The following RAB27B variants were observed in gnomAD, a reference collection of about 807,000 sequenced individuals.
RAB27B encodes ras-related protein Rab-27B.
RAB27B carries 15 observed loss-of-function variants against 24.6 expected under a neutral mutation model. The ratio of observed to expected loss-of-function variants is 0.61; its 90% CI spans 0.41 to 0.94. The LOEUF (loss-of-function observed/expected upper bound fraction) is 0.94. Among genes scored for constraint, RAB27B ranks in the 40% least tolerant of loss-of-function variants. The pLI, the probability that RAB27B is intolerant of heterozygous loss-of-function variation, is 0.00. For synonymous variants in RAB27B, 105 were observed against 92.5 expected (o/e 1.14, Z -0.78); for missense variants, 261 against 266.8 (o/e 0.98, Z 0.15).
At chr18:54,818,470 T>G (rs1202460991) in intron 2 of RAB27B, among the ~76,000 whole-genome samples, 1 of 152,148 alleles carries the variant, frequency 6.6e-6, no homozygotes, top group Non-Finnish European at 1.5e-5. Context: ...GTTCCATATT[T>G]TTTTTTTGGT....
rs9951468 is a variant in RAB27B at position 54,811,142 on chromosome 18, G to A, written c.-19-66425G>A. On this transcript the variant is annotated intron_variant, in intron 2 of 4. Coordinates refer to the RAB27B transcript ENST00000586570. Reference sequence around the variant, plus strand: ...GCTTTATCACCTGAGTCACTCTTGAGAAATAAGTTTCCTAAAGTTTTAGAG... The same window carrying A: ...GCTTTATCACCTGAGTCACTCTTGAAAAATAAGTTTCCTAAAGTTTTAGAG... Among the ~76,000 whole-genome samples, 1,324 of 152,054 alleles carry A rather than the reference G, an allele frequency of 8.7e-3. 10 individuals carry two copies. The highest frequency in any genetic ancestry group is 0.031 in the African/African-American group (1,282 of 41,472).
At chr18:54,813,588 C>T (rs940479443) in intron 2 of RAB27B, among the ~76,000 whole-genome samples, 1 of 152,204 alleles carries the variant, frequency 6.6e-6, no homozygotes, top group Non-Finnish European at 1.5e-5. Context: ...GCTCTGCCTT[C>T]TGCCATGATT....
intron 1 of RAB27B, among the ~76,000 whole-genome samples, chr18:54,828,944 A>G (rs368288146): frequency 1.0e-3 from 157 of 152,352 alleles, no homozygotes; most frequent in African/African-American, 3.4e-3. Context: ...CTTATCAAAC[A>G]GCTGGTTACC....
chr18:54,872,639 AAG>A (rs1312116616), intron 1 of RAB27B, among the ~76,000 whole-genome samples: 1 of 150,684 alleles, frequency 6.6e-6, no homozygotes, highest in Non-Finnish European at 1.5e-5. Flanking sequence ...AAAAAAAAAA[AAG>A]AAAAAAGAAA....
intron 2 of RAB27B, among the ~76,000 whole-genome samples, chr18:54,760,272 G>A (rs1194837566): frequency 1.3e-5 from 2 of 152,164 alleles, no homozygotes; most frequent in East Asian, 3.9e-4. Flanking sequence ...AGCAAGTCCT[G>A]TGAAAGGGTC....
At chr18:54,787,965 C>T (rs1031883064) in intron 2 of RAB27B, among the ~76,000 whole-genome samples, 4 of 152,162 alleles carry the variant, frequency 2.6e-5, no homozygotes, top group Admixed American at 6.5e-5. Flanking sequence ...CTACATGGTC[C>T]CTGGTTGTCA....
At chr18:54,799,116 C>T (rs1909516274) in intron 2 of RAB27B, among the ~76,000 whole-genome samples, 1 of 152,076 alleles carries the variant, frequency 6.6e-6, no homozygotes, top group Admixed American at 6.5e-5. Flanking sequence ...AAAAATTAAA[C>T]TTTGTGTAAT....
chr18:54,849,455 T>C (rs1400352945), intron 1 of RAB27B, among the ~76,000 whole-genome samples: 1 of 152,212 alleles, frequency 6.6e-6, no homozygotes, highest in Non-Finnish European at 1.5e-5. Context: ...CGGTGGCTCA[T>C]GCCTGTAATC....
chr18:54,757,194 TAAC>T (rs1908031887), intron 2 of RAB27B, among the ~76,000 whole-genome samples: 1 of 152,054 alleles, frequency 6.6e-6, no homozygotes, highest in African/African-American at 2.4e-5. Context: ...AGTGTACAGG[TAAC>T]AACCATTTAA....
At chr18:54,756,194 T>A (rs1325656584) in intron 2 of RAB27B, among the ~76,000 whole-genome samples, 1 of 152,150 alleles carries the variant, frequency 6.6e-6, no homozygotes, top group Non-Finnish European at 1.5e-5. Context: ...TGTACAAAAA[T>A]CAACAGGAAA....
intron 3 of RAB27B, among the ~76,000 whole-genome samples, chr18:54,883,263 AAC>A (rs1346380766): frequency 3.9e-5 from 6 of 152,122 alleles, no homozygotes; most frequent in African/African-American, 9.7e-5. Context: ...TGGGCTTCTC[AAC>A]ACACAGGCTA....
rs374063750 is a variant in RAB27B, at chr18:54,889,401, A to C, written c.645A>C (p.Lys215Asn). 25 of 1,612,340 alleles carry C rather than the reference A, an allele frequency of 1.6e-5. No homozygotes were observed. Among genetic ancestry groups the C allele is most frequent in the Non-Finnish European group, 2.1e-5 (25 of 1,179,042 alleles). The stretch of plus-strand genomic sequence containing the variant: ...ATGGGGAAAAGCCACCAGAGAAGAA[A>C]TGTATCTGCTAGACTCTACATAGAA... The part of the protein sequence containing the change: ...NLDGEKPPEK[K>N]CIC Residue 215 changes from lysine (K) to asparagine (N), a missense_variant, in exon 6 of 6, where the codon AAA becomes AAC. Lys to Asn is a moderately conservative substitution (Grantham distance 94, BLOSUM62 0). Transcript: ENST00000262094.
At chr18:54,842,267 T>C (rs1212434261) in intron 1 of RAB27B, among the ~76,000 whole-genome samples, 2 of 152,024 alleles carry the variant, frequency 1.3e-5, no homozygotes, top group East Asian at 3.9e-4. Flanking sequence ...TTCTTGCTTA[T>C]TCTAGCACAA....
chr18:54,723,351 TG>T (rs528870366), intron 2 of RAB27B, among the ~76,000 whole-genome samples: 15 of 152,226 alleles, frequency 9.9e-5, no homozygotes, highest in Non-Finnish European at 2.2e-4. Flanking sequence ...GTATTGGGAT[TG>T]GGTTTTATGA....
At chr18:54,789,576 C>T (rs1211700957) in intron 2 of RAB27B, among the ~76,000 whole-genome samples, 1 of 152,010 alleles carries the variant, frequency 6.6e-6, no homozygotes, top group African/African-American at 2.4e-5. Flanking sequence ...CTTACCTCTA[C>T]ATTCTTTTTT....
At chr18:54,851,708 A>G (rs1298844019) in intron 1 of RAB27B, among the ~76,000 whole-genome samples, 1 of 151,882 alleles carries the variant, frequency 6.6e-6, no homozygotes, top group Non-Finnish European at 1.5e-5. Flanking sequence ...CATTGGAATC[A>G]TCTAAAACTC....
Position 54,774,768 on chromosome 18 carries a change from T to C in RAB27B, c.-20+56627T>C, listed in dbSNP as rs1034645678. Among the ~76,000 whole-genome samples, 6 of 152,240 alleles carry C rather than the reference T, an allele frequency of 3.9e-5. No homozygotes were observed. In the East Asian group the frequency reaches 1.2e-3, roughly 29 times the overall value. ...AAGCCAGTAAAATAGCATCTTTTCT[T>C]TTTTCTTGGTCATTCTCTATCCCAT... On this transcript the variant is annotated intron_variant, in intron 2 of 4. Transcript: ENST00000586570.
At chr18:54,808,853 G>T (rs1180811137) in intron 2 of RAB27B, among the ~76,000 whole-genome samples, 1 of 152,144 alleles carries the variant, frequency 6.6e-6, no homozygotes, top group Non-Finnish European at 1.5e-5. Flanking sequence ...TAGATATCTA[G>T]CTGTGCTAAA....
In RAB27B at chr18:54,890,459, C is replaced by T. The variant is rs567255839; in HGVS notation, c.*1046C>T. Reference sequence around the variant, plus strand: ...GATGGTGATATGAAACAAAAAGTGGCAATTATTGCAGGTTTCCTTTTAGTT... The same window carrying T: ...GATGGTGATATGAAACAAAAAGTGGTAATTATTGCAGGTTTCCTTTTAGTT... On this transcript the variant is annotated 3_prime_UTR_variant, in exon 6 of 6. Coordinates refer to ENST00000262094, the MANE Select transcript of RAB27B (RefSeq NM_004163.4). 29 of 152,168 alleles carry T rather than the reference C, an allele frequency of 1.9e-4. No individual in the cohort carries two copies. Among genetic ancestry groups the T allele is most frequent in the Admixed American group, 9.8e-4 (15 of 15,258 alleles). The allele number at this position is 152,168 out of a possible 1,614,324, so 9.4% of individuals were successfully genotyped here.
Sources: gnomAD v4.1 joint callset for allele counts (sites outside exome capture counted in the v4.1 genomes callset) on GRCh38, gnomAD v4.1.1 for gene constraint, MANE v1.5 for transcripts, NCBI Gene and HGNC (gene_info 2026-07-23, HGNC 2026-07-21) for gene names.